The following SLC25A35 variants were observed in gnomAD, a reference collection of about 807,000 sequenced individuals.
The protein encoded by SLC25A35 is solute carrier family 25 member 35.
SLC25A35 carries 32 observed loss-of-function variants against 30.5 expected under a neutral mutation model. That is an observed-to-expected ratio of 1.05 (90% CI 0.79 to 1.41). SLC25A35 has a LOEUF of 1.41. Among genes scored for constraint, SLC25A35 ranks in the 40% most tolerant of loss-of-function variants. The pLI, the probability that SLC25A35 is intolerant of heterozygous loss-of-function variation, is 0.00. For missense variants in SLC25A35, 369 were observed against 388.0 expected, an observed-to-expected ratio of 0.95 and a Z score of 0.41; for synonymous variants, 142 against 158.1, an observed-to-expected ratio of 0.90 and a Z score of 0.77.
At position 8,295,337 on chromosome 17, in the gene SLC25A35, G is replaced by A. The variant is rs1367230581; in HGVS notation, c.-530C>T. The A allele has an allele frequency of 1.5e-5, 15 of 985,678 alleles. No homozygotes were observed. The highest frequency in any genetic ancestry group is 1.7e-5 in the Non-Finnish European group (14 of 830,262). The allele number at this position is 985,678 out of a possible 1,614,324, so 61.1% of individuals were successfully genotyped here. A position where few individuals can be genotyped will look rare whatever the true frequency, so the allele number is the denominator to read the frequency against. The stretch of plus-strand genomic sequence containing the variant: ...CCCTGAGCGTCCCCAGGCAGCCACC[G>A]GAGCTCGCAGTAGCTTCAACCCCGG... On this transcript the variant is annotated 5_prime_UTR_variant, in exon 1 of 5. Transcript: ENST00000577745.
At position 8,294,971 on chromosome 17, in the gene SLC25A35, G is replaced by A; in HGVS notation, c.-164C>T. ...GGGTGTCAGGGTCAAATGTCAAGTG[G>A]TCAAACGTCAGCTGGAATTTGGGAG... is the stretch of plus-strand genomic sequence containing the variant. On this transcript the variant is annotated 5_prime_UTR_variant, in exon 1 of 5. Transcript: ENST00000577745. 1 of 1,412,002 alleles carries A rather than the reference G, an allele frequency of 7.1e-7. No individual in the cohort carries two copies. The highest frequency in any genetic ancestry group is 9.2e-7 in the Non-Finnish European group (1 of 1,088,104). 87.5% of individuals were successfully genotyped at this position (1,412,002 alleles called of 1,614,324 possible).
Position 8,292,588 on chromosome 17 carries a change from C to T in SLC25A35, c.376G>A (p.Val126Met). The change falls in exon 2 of 5, where the codon GTG (valine) becomes ATG (methionine). Residue 126 changes from valine to methionine, a missense_variant and splice_region_variant. Physicochemically the swap from Val to Met is conservative, Grantham distance 21 (BLOSUM62 1). Coordinates refer to ENST00000577745, the MANE Select transcript of SLC25A35 (RefSeq NM_001320870.2). ...GAYLGSPIYMVKTHLQAQAAS... is the reference protein window; with the variant it reads ...GAYLGSPIYMMKTHLQAQAAS... Reference sequence around the variant, plus strand: ...GCCTGTGCCTGCAGGTGTGTCTTCACCTGGGAACAAGAGAATATCATAGCC... The same window carrying T: ...GCCTGTGCCTGCAGGTGTGTCTTCATCTGGGAACAAGAGAATATCATAGCC... 1 of 1,614,070 alleles carries T rather than the reference C, an allele frequency of 6.2e-7. No individual in the cohort carries two copies. Among genetic ancestry groups the T allele is most frequent in the Non-Finnish European group, 8.5e-7 (1 of 1,179,970 alleles).
chr17:8,293,915 C>CTTTTTTTTTT (rs3033784), intron 1 of SLC25A35, among the ~76,000 whole-genome samples: 1 of 132,378 alleles, frequency 7.6e-6, no homozygotes, highest in African/African-American at 2.9e-5. Flanking sequence ...AGCCCATAAT[C>CTTTTTTTTTT]TTTTTTTTTT....
At chr17:8,289,039 T>C (rs759538182), downstream of SLC25A35, 1 of 1,613,970 alleles carries the variant, frequency 6.2e-7, no homozygotes, top group South Asian at 1.1e-5. Context: ...CTTCTCGAGC[T>C]GCAGGCCCAC....
rs759848423 is a variant in SLC25A35, at chr17:8,294,502, A to C, written c.306T>G (p.Pro102=). Residue 102 remains proline, a synonymous_variant, in exon 1 of 5, where the codon CCT becomes CCG. Transcript: ENST00000577745. ...TGGCCCCAGCTGCTGCGCTGCGGGC[A>C]GGACTGTGGGTGCCTTCGGCTGTGT... ...YLHTAEGTHS[P]ARSAAAGAMA... is the part of the protein sequence containing the mutation. The C allele has an allele frequency of 6.2e-7, 1 of 1,613,402 alleles. No individual in the cohort carries two copies. The highest frequency in any genetic ancestry group is 1.7e-5 in the Admixed American group (1 of 59,954).
chr17:8,293,030 C>T (rs980346258), intron 1 of SLC25A35, among the ~76,000 whole-genome samples: 2 of 152,326 alleles, frequency 1.3e-5, no homozygotes, highest in South Asian at 2.1e-4. Flanking sequence ...ACAGAGGTAT[C>T]GAGCTGACTT....
At chr17:8,289,843 A>T, downstream of SLC25A35, 1 of 1,614,140 alleles carries the variant, frequency 6.2e-7, no homozygotes. Context: ...TTGGCCCCGA[A>T]AATCTGTCAC....
Position 8,295,398 on chromosome 17 carries a change from A to G in SLC25A35, c.-591T>C, listed in dbSNP as rs529936285. The G allele has an allele frequency of 1.5e-4, 148 of 982,152 alleles. No individual in the cohort carries two copies. The African/African-American group carries it at 2.4e-3, about 16-fold the overall frequency. 60.8% of individuals were successfully genotyped at this position (982,152 alleles called of 1,614,324 possible). On this transcript the variant is annotated 5_prime_UTR_variant, in exon 1 of 5. Transcript: ENST00000577745. ...GAGGCCGGGCCGCCACACTCCTGCC[A>G]CTGGAGCGCGGGGCCAATGGGGAGC...
chr17:8,287,894 T>G (rs1990199709), downstream of SLC25A35: 1 of 152,216 alleles, frequency 6.6e-6, no homozygotes, highest in East Asian at 1.9e-4. Context: ...ATACCCAGGT[T>G]GGCTCTCACT....
rs371956620 is a variant in SLC25A35 at position 8,291,302 on chromosome 17, G to A, written c.594+31C>T. ...CTTGCCCTCCCCTTCCCCCCTTCCC[G>A]AAACAGACCCACCCATTTCCCAGGC... On this transcript the variant is annotated intron_variant, in intron 3 of 4. Coordinates refer to ENST00000577745, the MANE Select transcript of SLC25A35 (RefSeq NM_001320870.2). 5.5e-5 allele frequency: 88 copies of A among 1,610,644 alleles called. No homozygotes were observed. The African/African-American group carries it at 8.2e-4, about 15-fold the overall frequency.
chr17:8,288,752 T>C (rs777415276), downstream of SLC25A35: 1 of 1,611,384 alleles, frequency 6.2e-7, no homozygotes, highest in African/African-American at 1.3e-5. Flanking sequence ...GGACTTCTTT[T>C]AAACCTTTCT....
chr17:8,294,633 G>A lies in SLC25A35; in HGVS notation c.175C>T (p.Leu59Phe). The part of the protein sequence containing the change: ...AFITIGKVDG[L>F]AALQKGLAPA... ...GCCAGGCCTTTCTGCAGGGCAGCAA[G>A]GCCATCCACCTTGCCGATGGTGATG... Residue 59 changes from leucine (L) to phenylalanine (F), a missense_variant, in exon 1 of 5, where the codon CTT becomes TTT. Coordinates refer to ENST00000577745, the MANE Select transcript of SLC25A35 (RefSeq NM_001320870.2). 6.2e-7 allele frequency: 1 copy of A among 1,614,222 alleles called. No homozygotes were observed. Among genetic ancestry groups the A allele is most frequent in the Non-Finnish European group, 8.5e-7 (1 of 1,180,038 alleles).
chr17:8,288,995 C>T, downstream of SLC25A35: 2 of 1,614,160 alleles, frequency 1.2e-6, no homozygotes, highest in South Asian at 1.1e-5. Context: ...AAGTTTTCTG[C>T]CATCCCGTGA....
At chr17:8,291,606 G>A (rs1441590782) in intron 2 of SLC25A35, 121 bp from the exon 3 acceptor site, 1 of 1,358,068 alleles carries the variant, frequency 7.4e-7, no homozygotes, top group African/African-American at 1.5e-5. Context: ...GTTCAATGTG[G>A]GCTTAGAGCC....
Position 8,290,927 on chromosome 17 carries a change from CTCA to C in SLC25A35, c.641_643del (p.Met214del), listed in dbSNP as rs1990443557. ...CATGGCCAAGACAACTGCAATGCCA[CTCA>C]TCATGGCAGCCACCAGCGCCAACTT... On this transcript the variant is annotated inframe_deletion, in exon 4 of 5. Coordinates refer to ENST00000577745, the MANE Select transcript of SLC25A35 (RefSeq NM_001320870.2). 1.2e-6 allele frequency: 2 copies of C among 1,613,992 alleles called. No homozygotes were observed. Among genetic ancestry groups the C allele is most frequent in the East Asian group, 2.2e-5 (1 of 44,876 alleles).
chr17:8,291,351 G>T lies in SLC25A35; in HGVS notation c.576C>A (p.Asp192Glu). Residue 192 changes from aspartate to glutamate, a missense_variant, in exon 3 of 5, where the codon GAC becomes GAA. Physicochemically the swap from Asp to Glu is conservative, Grantham distance 45. Coordinates refer to ENST00000577745, the MANE Select transcript of SLC25A35 (RefSeq NM_001320870.2). ...TQLCTFSSTK[D>E]LLSQWEIFPP... Reference sequence around the variant, plus strand: ...GCAGTACCTCCCACTGGCTCAGGAGGTCCTTGGTGGATGAGAAGGTGCACA... The same window carrying T: ...GCAGTACCTCCCACTGGCTCAGGAGTTCCTTGGTGGATGAGAAGGTGCACA... 1 of 1,614,160 alleles carries T rather than the reference G, an allele frequency of 6.2e-7. No homozygotes were observed. Among genetic ancestry groups the T allele is most frequent in the Non-Finnish European group, 8.5e-7 (1 of 1,180,036 alleles).
At chr17:8,293,205 T>C (rs1990623581) in intron 1 of SLC25A35, among the ~76,000 whole-genome samples, 2 of 152,196 alleles carry the variant, frequency 1.3e-5, no homozygotes. Flanking sequence ...TTCCCCTTTC[T>C]GGGCCTCAGG....
chr17:8,293,309 C>T (rs573681185), intron 1 of SLC25A35, among the ~76,000 whole-genome samples: 7 of 152,284 alleles, frequency 4.6e-5, no homozygotes, highest in African/African-American at 1.4e-4. Flanking sequence ...TCCCTAGACT[C>T]TCTGACGTAT....
intron 2 of SLC25A35, among the ~76,000 whole-genome samples, 177 bp downstream of exon 2, chr17:8,292,346 G>A (rs755319795): frequency 1.2e-4 from 18 of 152,288 alleles, no homozygotes; most frequent in Admixed American, 2.6e-4. Flanking sequence ...GCAACAGAGC[G>A]AGACTCCATC....
Sources: gnomAD v4.1 joint callset for allele counts (sites outside exome capture counted in the v4.1 genomes callset) on GRCh38, gnomAD v4.1.1 for gene constraint, MANE v1.5 for transcripts, NCBI Gene and HGNC (gene_info 2026-07-23, HGNC 2026-07-21) for gene names.